Variants in TRMT2B observed in about 807,000 individuals in gnomAD.
TRMT2B encodes tRNA (uracil-5-)-methyltransferase homolog B.
A neutral mutation model predicts 39.7 loss-of-function variants in TRMT2B; 34 were observed. The observed-to-expected ratio is 0.86, with a 90% CI of 0.65 to 1.14. The LOEUF (loss-of-function observed/expected upper bound fraction) is 1.14. Among genes scored for constraint, TRMT2B ranks in the 50% most tolerant of loss-of-function variants. TRMT2B has a pLI of 0.00. For synonymous variants in TRMT2B, 132 were observed against 137.3 expected, an observed-to-expected ratio of 0.96 and a Z score of 0.27; for missense variants, 318 against 377.2, an observed-to-expected ratio of 0.84 and a Z score of 1.30.
chrX:100,994,750 T>C, the TRMT2B span, among the ~76,000 whole-genome samples: 3 of 111,613 alleles, frequency 2.7e-5, 1 homozygote, highest in South Asian at 1.1e-3. Context: ...AAGTGTTGGG[T>C]GTTTGGGCCA....
the TRMT2B span, among the ~76,000 whole-genome samples, chrX:100,998,875 C>A: frequency 9.0e-6 from 1 of 111,452 alleles, no homozygotes; most frequent in East Asian, 2.8e-4. Context: ...AGACACTGTG[C>A]TAGGTGTTAC....
At chrX:100,998,617 G>A in the TRMT2B span, among the ~76,000 whole-genome samples, 1 of 109,006 alleles carries the variant, frequency 9.2e-6, no homozygotes, top group South Asian at 4.0e-4. Flanking sequence ...AATTTGCAAA[G>A]TGTTTTATAT....
intron 2 of TRMT2B, among the ~76,000 whole-genome samples, chrX:101,049,315 G>A (rs1189900228): frequency 2.8e-5 from 3 of 108,780 alleles, no homozygotes; most frequent in African/African-American, 1.0e-4. Flanking sequence ...GCAACATAGC[G>A]AGATCCGGTC....
the TRMT2B span, chrX:100,988,221 G>A: frequency 8.3e-7 from 1 of 1,208,712 alleles, no homozygotes; most frequent in African/African-American, 1.7e-5. Flanking sequence ...AATGTCAAAG[G>A]AGAAAAGACA....
intron 7 of TRMT2B, 110 bp downstream of exon 7, chrX:101,035,503 C>T (rs2087781419): frequency 6.0e-6 from 4 of 666,683 alleles, no homozygotes; most frequent in Non-Finnish European, 9.9e-6. Context: ...TACAGAGCCC[C>T]TCCTTCCCTC....
chrX:100,989,959 G>T, the TRMT2B span, among the ~76,000 whole-genome samples: 1 of 112,728 alleles, frequency 8.9e-6, no homozygotes, highest in Admixed American at 9.4e-5. Context: ...GGTAGAAGAG[G>T]AAGTGTTTTT....
chrX:100,991,921 G>A, the TRMT2B span, among the ~76,000 whole-genome samples: 14 of 63,758 alleles, frequency 2.2e-4, no homozygotes, highest in Admixed American at 9.5e-4. Flanking sequence ...AGTGCGGGGC[G>A]GTGGGGGTTG....
intron 4 of TRMT2B, among the ~76,000 whole-genome samples, chrX:101,039,077 G>GT (rs1187261911): frequency 1.3e-4 from 14 of 106,113 alleles, no homozygotes; most frequent in Non-Finnish European, 1.8e-4. Context: ...TTATTTTTTT[G>GT]TTTTTTTTTG....
At chrX:100,996,763 T>C in the TRMT2B span, among the ~76,000 whole-genome samples, 1 of 109,630 alleles carries the variant, frequency 9.1e-6, no homozygotes, top group Non-Finnish European at 1.9e-5. Context: ...CGATCAAAAA[T>C]TAGCCAGGCA....
chrX:101,030,511 C>T (rs1209519371), intron 7 of TRMT2B, among the ~76,000 whole-genome samples: 3 of 94,199 alleles, frequency 3.2e-5, no homozygotes, highest in Admixed American at 1.2e-4. Context: ...AGTGCAGTGG[C>T]GCGAACTCGG....
chrX:101,038,731 G>A (rs1389473202), intron 4 of TRMT2B, among the ~76,000 whole-genome samples: 1 of 111,815 alleles, frequency 8.9e-6, no homozygotes, highest in African/African-American at 3.2e-5. Flanking sequence ...GTGGTCAGTG[G>A]GAATGAAGAA....
At position 101,045,637 on chromosome X, in the gene TRMT2B, AAAC is replaced by A. The variant is rs1238037229; in HGVS notation, c.-23-3328_-23-3326del. Among the ~76,000 whole-genome samples the A allele has an allele frequency of 3.3e-3, 342 of 105,024 alleles. 2 individuals carry two copies. The highest frequency in any genetic ancestry group is 0.011 in the African/African-American group (308 of 28,756). The allele number at this position is 105,024 out of a possible 115,157, so 91.2% of individuals were successfully genotyped here. On this transcript the variant is annotated intron_variant, in intron 2 of 13. Coordinates refer to ENST00000372936, the MANE Select transcript of TRMT2B (RefSeq NM_024917.6). ...ATACAAAACAAACAAACAAACAAAC[AAAC>A]AAAAAAAATTAGCTAGGCATGGTGG...
chrX:101,024,912 G>A (rs907245292), intron 7 of TRMT2B, among the ~76,000 whole-genome samples: 1 of 108,836 alleles, frequency 9.2e-6, no homozygotes, highest in African/African-American at 3.3e-5. Context: ...TGGGAGGATC[G>A]CCTGAGCCCA....
intron 7 of TRMT2B, among the ~76,000 whole-genome samples, chrX:101,032,669 G>A (rs35277124): frequency 0.032 from 3,330 of 105,437 alleles, 47 homozygotes; most frequent in Non-Finnish European, 0.047. Flanking sequence ...CCAGCTACTC[G>A]AGAGGCTGAG....
intron 7 of TRMT2B, among the ~76,000 whole-genome samples, chrX:101,025,502 C>A (rs1457436015): frequency 9.0e-6 from 1 of 111,559 alleles, no homozygotes; most frequent in Non-Finnish European, 1.9e-5. Flanking sequence ...TCAAACAAAC[C>A]ACAAATTATG....
chrX:101,049,717 C>T (rs1463430658), intron 2 of TRMT2B, among the ~76,000 whole-genome samples: 1 of 107,538 alleles, frequency 9.3e-6, no homozygotes, highest in African/African-American at 3.4e-5. Flanking sequence ...TGCTTGAACC[C>T]GGGCAGAGGT....
At chrX:101,030,454 C>CCTTTTTTTTTTTTT (rs1417481072) in intron 7 of TRMT2B, among the ~76,000 whole-genome samples, 78 of 71,843 alleles carry the variant, frequency 1.1e-3, no homozygotes, top group African/African-American at 5.0e-3. Context: ...GATCTGCATT[C>CCTTTTTTTTTTTTT]TTTTTTTTTT....
At chrX:101,021,394 C>T (rs1310819527) in intron 9 of TRMT2B, 79 bp from the exon 10 acceptor site, 4 of 896,973 alleles carry the variant, frequency 4.5e-6, no homozygotes, top group South Asian at 2.4e-5. Context: ...TTTGGGAGGC[C>T]GAGGCGGGCA....
chrX:101,004,146 G>A, the TRMT2B span, among the ~76,000 whole-genome samples: 3 of 111,334 alleles, frequency 2.7e-5, no homozygotes, highest in Admixed American at 2.9e-4. Flanking sequence ...GGAACTACAC[G>A]TGTGCACCAC....
Sources: gnomAD v4.1 joint callset for allele counts (sites outside exome capture counted in the v4.1 genomes callset) on GRCh38, gnomAD v4.1.1 for gene constraint, MANE v1.5 for transcripts, NCBI Gene and HGNC (gene_info 2026-07-23, HGNC 2026-07-21) for gene names.